The following SLC22A23 variants were observed in gnomAD, a reference collection of about 807,000 sequenced individuals.
The protein encoded by SLC22A23 is ion transporter protein.
SLC22A23 carries 26 observed loss-of-function variants against 61.0 expected under a neutral mutation model. That is an observed-to-expected ratio of 0.43 (90% CI 0.31 to 0.59). SLC22A23 has a LOEUF of 0.59. Among genes scored for constraint, SLC22A23 ranks in the 20% least tolerant of loss-of-function variants. The probability of loss-of-function intolerance (pLI) is 0.11; values close to 1 mark genes in which losing one functional copy is unlikely to be tolerated. For synonymous variants in SLC22A23, 430 were observed against 413.9 expected (o/e 1.04, Z -0.47); for missense variants, 796 against 934.7 (o/e 0.85, Z 1.94).
intron 1 of SLC22A23, among the ~76,000 whole-genome samples, chr6:3,419,584 G>A (rs76517316): frequency 0.012 from 1,855 of 152,286 alleles, 15 homozygotes; most frequent in Non-Finnish European, 0.019. Flanking sequence ...GGGTTGGGTG[G>A]TCTGGGAGCC....
At position 3,286,809 on chromosome 6, in the gene SLC22A23, A is replaced by T; in HGVS notation, c.1546+50T>A. The T allele has an allele frequency of 6.8e-7, 1 of 1,474,316 alleles. No homozygotes were observed. The highest frequency in any genetic ancestry group is 9.3e-7 in the Non-Finnish European group (1 of 1,078,074). The allele number at this position is 1,474,316 out of a possible 1,614,324, so 91.3% of individuals were successfully genotyped here. On this transcript the variant is annotated intron_variant, in intron 7 of 9. Transcript: ENST00000406686. This position sits in a 1 kb window ranked among gnomAD's most constrained non-coding sequence, Gnocchi z 4.2. ...GCAGCCCTTTCAAATGCCCTTGGGG[A>T]TCTGCCAGCTTCCCTCCCTGCACCC...
intron 3 of SLC22A23, among the ~76,000 whole-genome samples, chr6:3,353,912 C>CAGT (rs1561918772): frequency 6.6e-6 from 1 of 152,240 alleles, no homozygotes; most frequent in Non-Finnish European, 1.5e-5. Context: ...AGGCTCCTTA[C>CAGT]AGATCCCAGA....
intron 9 of SLC22A23, chr6:3,276,644 T>TGGCCTATGCTGGCTC (rs1758934940): frequency 6.6e-6 from 1 of 152,326 alleles, no homozygotes; most frequent in Non-Finnish European, 1.5e-5. Context: ...TCTGTGAGGT[T>TGGCCTATGCTGGCTC]GGCCTATGCT....
rs1242339688 is a variant in SLC22A23, at chr6:3,330,684, A to G, written c.914-6682T>C. Among the ~76,000 whole-genome samples, 2 of 152,232 alleles carry G rather than the reference A, an allele frequency of 1.3e-5. No individual in the cohort carries two copies. Among genetic ancestry groups the G allele is most frequent in the African/African-American group, 4.8e-5 (2 of 41,454 alleles). ...GTCATGGAGACCCAAATAGCATTTG[A>G]GGGTATTCCTGTAAAAGCTTGCCAT... is the stretch of plus-strand genomic sequence containing the variant. On this transcript the variant is annotated intron_variant, in intron 3 of 9. Coordinates refer to ENST00000406686, the MANE Select transcript of SLC22A23 (RefSeq NM_015482.2). The surrounding 1 kb of genome is among the most constrained non-coding windows in gnomAD (Gnocchi z 4.7).
Position 3,308,041 on chromosome 6 carries a change from GT to G in SLC22A23, c.1083-9824del, listed in dbSNP as rs1762109453. ...ACTAGAGGAGTCAAATTCATAGCAA[GT>G]AGAGTGGGGGCTGCCAGGACCTGGG... On this transcript the variant is annotated intron_variant, in intron 4 of 9. Coordinates refer to ENST00000406686, the MANE Select transcript of SLC22A23 (RefSeq NM_015482.2). The surrounding 1 kb of genome is among the most constrained non-coding windows in gnomAD (Gnocchi z 5.1). Among the ~76,000 whole-genome samples the G allele has an allele frequency of 6.6e-6, 1 of 152,162 alleles. No homozygotes were observed. Among genetic ancestry groups the G allele is most frequent in the Non-Finnish European group, 1.5e-5 (1 of 68,026 alleles).
In SLC22A23 at chr6:3,282,321, G is replaced by C. The variant is rs1414811065; in HGVS notation, c.1703+1531C>G. ...CCTGACTCATCTCTCCCCTGTGGCT[G>C]ATGCAGAAGGTAGGGACAGGATGAG... is the stretch of plus-strand genomic sequence containing the variant. On this transcript the variant is annotated intron_variant, in intron 9 of 9. Transcript: ENST00000406686. 5.7e-6 allele frequency: 4 copies of C among 702,408 alleles called. 1 individual carries two copies. The highest frequency in any genetic ancestry group is 1.0e-5 in the Non-Finnish European group (4 of 385,016). 43.5% of individuals were successfully genotyped at this position (702,408 alleles called of 1,614,324 possible). A position where few individuals can be genotyped will look rare whatever the true frequency, so the allele number is the denominator to read the frequency against.
chr6:3,393,095 G>C (rs978356195), intron 3 of SLC22A23, among the ~76,000 whole-genome samples: 4 of 152,206 alleles, frequency 2.6e-5, no homozygotes, highest in African/African-American at 9.6e-5. Context: ...AGACACTGCT[G>C]AGAAGTTCAG....
chr6:3,344,095 T>G (rs1247177650), intron 3 of SLC22A23, among the ~76,000 whole-genome samples: 1 of 152,192 alleles, frequency 6.6e-6, no homozygotes, highest in Non-Finnish European at 1.5e-5. Context: ...TCCAATACAG[T>G]GGTCACATAT....
At chr6:3,402,242 C>T (rs1042283485) in intron 3 of SLC22A23, among the ~76,000 whole-genome samples, 1 of 152,200 alleles carries the variant, frequency 6.6e-6, no homozygotes, top group Non-Finnish European at 1.5e-5. Context: ...TTCTTTTCCT[C>T]TTTGGCCTGC....
intron 5 of SLC22A23, among the ~76,000 whole-genome samples, chr6:3,292,783 C>T (rs1469636612): frequency 6.6e-6 from 1 of 152,208 alleles, no homozygotes; most frequent in Non-Finnish European, 1.5e-5. Context: ...CCCAGCTGCT[C>T]GTCTGTGAAG....
At chr6:3,343,480 C>T (rs1320543775) in intron 3 of SLC22A23, among the ~76,000 whole-genome samples, 3 of 152,016 alleles carry the variant, frequency 2.0e-5, no homozygotes, top group Admixed American at 2.0e-4. Context: ...CACGCACACA[C>T]ACACACACAT....
At position 3,414,544 on chromosome 6, in the gene SLC22A23, T is replaced by C. The variant is rs371092279; in HGVS notation, c.758+1208A>G. On this transcript the variant is annotated intron_variant, in intron 2 of 9. Transcript: ENST00000406686. The surrounding 1 kb of genome is among the most constrained non-coding windows in gnomAD (Gnocchi z 5.1). ...GCTCAAGGAACTCCCAAATACACGCTGGGTTTTGGAAGAAATTTTCCACAT... is the reference window on the plus strand; with the variant it reads ...GCTCAAGGAACTCCCAAATACACGCCGGGTTTTGGAAGAAATTTTCCACAT... Among the ~76,000 whole-genome samples the C allele has an allele frequency of 3.3e-5, 5 of 152,144 alleles. No homozygotes were observed. The highest frequency in any genetic ancestry group is 1.2e-4 in the African/African-American group (5 of 41,504).
chr6:3,389,302 A>T (rs1325499127), intron 3 of SLC22A23, among the ~76,000 whole-genome samples: 1 of 151,014 alleles, frequency 6.6e-6, no homozygotes. Context: ...AAAAGCAACA[A>T]CAACAAAGTG....
At chr6:3,413,680 G>C (rs1769440935) in intron 2 of SLC22A23, among the ~76,000 whole-genome samples, 1 of 152,196 alleles carries the variant, frequency 6.6e-6, no homozygotes, top group East Asian at 1.9e-4. Flanking sequence ...GCAGCCTTAG[G>C]AAGCATATTG....
intron 3 of SLC22A23, among the ~76,000 whole-genome samples, chr6:3,370,764 T>G (rs943844315): frequency 1.3e-5 from 2 of 152,272 alleles, no homozygotes; most frequent in Non-Finnish European, 2.9e-5. Context: ...GATTGATCTC[T>G]TAAAACCAAT....
intron 4 of SLC22A23, among the ~76,000 whole-genome samples, chr6:3,319,875 C>T (rs1762850063): frequency 6.6e-6 from 1 of 152,196 alleles, no homozygotes; most frequent in East Asian, 1.9e-4. Context: ...GAATTTGGAA[C>T]ACACAGTCCT....
chr6:3,403,343 C>G (rs1472568581), intron 3 of SLC22A23, among the ~76,000 whole-genome samples: 3 of 150,876 alleles, frequency 2.0e-5, no homozygotes, highest in Admixed American at 6.6e-5. Flanking sequence ...CCTGTCTGTC[C>G]AGGTGTGGAA....
intron 1 of SLC22A23, chr6:3,432,110 CA>C (rs1437428645): frequency 4.2e-6 from 3 of 722,276 alleles, no homozygotes; most frequent in South Asian, 1.2e-4. Context: ...AATTAGGTTC[CA>C]GGGGGCTGAG....
intron 3 of SLC22A23, among the ~76,000 whole-genome samples, chr6:3,359,651 T>C (rs1229774069): frequency 6.6e-6 from 1 of 152,158 alleles, no homozygotes; most frequent in Non-Finnish European, 1.5e-5. Context: ...CTGTTCTTCA[T>C]AGAATTAAAC....
Sources: gnomAD v4.1 joint callset for allele counts (sites outside exome capture counted in the v4.1 genomes callset) on GRCh38, gnomAD v4.1.1 for gene constraint, Gnocchi (gnomAD v3.1) non-coding constraint, MANE v1.5 for transcripts, NCBI Gene and HGNC (gene_info 2026-07-23, HGNC 2026-07-21) for gene names.